FMN1: variants seen among roughly 807,000 people sequenced by gnomAD.
FMN1 encodes the protein formin-1.
FMN1 carries 110 observed loss-of-function variants against 132.4 expected under a neutral mutation model. That is an observed-to-expected ratio of 0.83 (90% CI 0.71 to 0.97). The LOEUF (loss-of-function observed/expected upper bound fraction) is 0.97, where lower values mean the gene tolerates loss of function less well. Ranked by LOEUF, FMN1 falls within the 50% of genes least tolerant of loss-of-function variation. The probability of loss-of-function intolerance (pLI) is 0.00; values close to 1 mark genes in which losing one functional copy is unlikely to be tolerated. For missense variants in FMN1, 1,792 were observed against 1,705.3 expected, an observed-to-expected ratio of 1.05 and a Z score of -0.90; for synonymous variants, 722 against 651.7, an observed-to-expected ratio of 1.11 and a Z score of -1.64.
intron 16 of FMN1, among the ~76,000 whole-genome samples, chr15:32,886,319 G>A (rs527975348): frequency 1.3e-5 from 2 of 152,228 alleles, no homozygotes; most frequent in African/African-American, 2.4e-5. Context: ...GTGAAGCCTG[G>A]TACAAAGAAG....
At chr15:33,050,317 T>C (rs891904378) in intron 6 of FMN1, among the ~76,000 whole-genome samples, 30 of 152,216 alleles carry the variant, frequency 2.0e-4, no homozygotes, top group Admixed American at 2.6e-4. Context: ...AAAACTTTTG[T>C]ATAATGAAAG....
At chr15:32,798,226 T>C (rs958334282) in intron 19 of FMN1, among the ~76,000 whole-genome samples, 1 of 147,388 alleles carries the variant, frequency 6.8e-6, no homozygotes, top group Non-Finnish European at 1.5e-5. Context: ...ACCCCGTCTA[T>C]ATTCAGAGTT....
At chr15:33,078,570 T>C (rs887894471) in intron 5 of FMN1, among the ~76,000 whole-genome samples, 14 of 152,126 alleles carry the variant, frequency 9.2e-5, no homozygotes, top group Non-Finnish European at 1.8e-4. Context: ...GCTGCAATCC[T>C]TAATGCAATT....
intron 17 of FMN1, among the ~76,000 whole-genome samples, chr15:32,809,928 T>C (rs1402987099): frequency 6.6e-6 from 1 of 152,152 alleles, no homozygotes; most frequent in Non-Finnish European, 1.5e-5. Context: ...CTTATTTTTT[T>C]TTTTCTTTTG....
intron 3 of FMN1, among the ~76,000 whole-genome samples, chr15:33,168,194 G>C (rs1012493437): frequency 2.0e-5 from 3 of 152,172 alleles, no homozygotes; most frequent in Non-Finnish European, 4.4e-5. Context: ...TATTTTAAAA[G>C]TCTCTCTGAG....
chr15:32,875,511 T>C (rs900241693), intron 16 of FMN1, among the ~76,000 whole-genome samples: 2 of 151,844 alleles, frequency 1.3e-5, no homozygotes, highest in Non-Finnish European at 2.9e-5. Context: ...GAACCAGGGC[T>C]GTCAATTTCC....
chr15:32,980,282 AGAATTT>A (rs2032547687), intron 7 of FMN1, among the ~76,000 whole-genome samples: 1 of 151,670 alleles, frequency 6.6e-6, no homozygotes, highest in Non-Finnish European at 1.5e-5. Flanking sequence ...ATTTTCTGCT[AGAATTT>A]GAGTGTCTAG....
At chr15:32,936,346 T>C (rs1011575728) in intron 9 of FMN1, among the ~76,000 whole-genome samples, 3 of 152,192 alleles carry the variant, frequency 2.0e-5, no homozygotes, top group Non-Finnish European at 2.9e-5. Flanking sequence ...ACTGATTTCA[T>C]ACAGTGAAAG....
intron 3 of FMN1, among the ~76,000 whole-genome samples, chr15:33,172,404 A>G (rs144790523): frequency 5.8e-4 from 89 of 152,308 alleles, no homozygotes; most frequent in African/African-American, 1.9e-3. Flanking sequence ...ATACTCAGTT[A>G]TCTGGAGGAG....
intron 6 of FMN1, among the ~76,000 whole-genome samples, chr15:33,014,795 T>C (rs115361978): frequency 0.013 from 2,000 of 152,340 alleles, 54 homozygotes; most frequent in African/African-American, 0.046. Context: ...ATTACAAAGT[T>C]TGTGCCCTCC....
chr15:33,116,577 G>A (rs1435492807), intron 4 of FMN1, among the ~76,000 whole-genome samples: 3 of 149,314 alleles, frequency 2.0e-5, no homozygotes, highest in Non-Finnish European at 4.5e-5. Flanking sequence ...TTTGTCGAAA[G>A]TTTTTTTTTT....
rs923598581 is a variant in FMN1, at chr15:32,778,146, A to G, written c.4131-1227T>C. 1.9e-3 allele frequency among the ~76,000 whole-genome samples: 221 copies of G among 119,140 alleles called. 23 individuals are homozygous for G. Among genetic ancestry groups the G allele is most frequent in the African/African-American group, 7.3e-3 (206 of 28,260 alleles). The allele number at this position is 119,140 out of a possible 152,430, so 78.2% of individuals were successfully genotyped here. A position where few individuals can be genotyped will look rare whatever the true frequency, so the allele number is the denominator to read the frequency against. On this transcript the variant is annotated intron_variant, in intron 19 of 20. Transcript: ENST00000616417. The stretch of plus-strand genomic sequence containing the variant: ...ATTTATTATATATTATGTATAATAT[A>G]TAATACATTTATTATATATTATATA...
At chr15:33,116,393 A>G (rs191887139) in intron 4 of FMN1, among the ~76,000 whole-genome samples, 61 of 152,286 alleles carry the variant, frequency 4.0e-4, no homozygotes, top group African/African-American at 1.4e-3. Flanking sequence ...CCGTGTTCAA[A>G]TAAGGCAAAC....
chr15:33,007,361 G>A (rs2034475338), intron 7 of FMN1, among the ~76,000 whole-genome samples: 1 of 152,192 alleles, frequency 6.6e-6, no homozygotes, highest in Non-Finnish European at 1.5e-5. Flanking sequence ...CTCAGTGCCT[G>A]ATTCAGTATC....
chr15:32,797,999 C>T (rs1471335058), intron 19 of FMN1, among the ~76,000 whole-genome samples: 3 of 152,118 alleles, frequency 2.0e-5, no homozygotes, highest in Non-Finnish European at 4.4e-5. Flanking sequence ...TTGTCTCCTT[C>T]CACTCTGTTT....
intron 7 of FMN1, among the ~76,000 whole-genome samples, chr15:32,983,315 T>C (rs2032828024): frequency 6.6e-6 from 1 of 152,144 alleles, no homozygotes. Flanking sequence ...AAATCAAAAC[T>C]GTACTGATAG....
chr15:32,924,535 T>C (rs2060910243), intron 10 of FMN1, among the ~76,000 whole-genome samples: 2 of 152,222 alleles, frequency 1.3e-5, no homozygotes, highest in African/African-American at 4.8e-5. Flanking sequence ...TGGTGTCAGA[T>C]GTTTCCACTG....
rs189023994 is a variant in FMN1 at position 32,889,201 on chromosome 15, A to G, written c.3715-909T>C. ...GAGGGCAGGGTGAAGTATAGTTTTA[A>G]CAAGCTCCACTGCTATAGCTAATGG... is the stretch of plus-strand genomic sequence containing the variant. On this transcript the variant is annotated intron_variant, in intron 15 of 20. Coordinates refer to ENST00000616417, the MANE Select transcript of FMN1 (RefSeq NM_001277313.2). Among the ~76,000 whole-genome samples the G allele has an allele frequency of 2.0e-5, 3 of 152,294 alleles. 1 individual carries two copies. Among genetic ancestry groups the G allele is most frequent in the Admixed American group, 1.3e-4 (2 of 15,294 alleles).
intron 7 of FMN1, among the ~76,000 whole-genome samples, chr15:32,994,513 A>C (rs1456846753): frequency 2.0e-5 from 3 of 152,192 alleles, no homozygotes; most frequent in East Asian, 1.9e-4. Flanking sequence ...AGACCCCATC[A>C]GAGCAGCTCC....
Sources: allele counts gnomAD v4.1 joint callset (sites outside exome capture counted in the v4.1 genomes callset), GRCh38; gene constraint gnomAD v4.1.1; transcripts MANE v1.5; gene names NCBI Gene and HGNC (gene_info 2026-07-23, HGNC 2026-07-21).